Variants in FSHR observed in about 807,000 individuals in gnomAD.
The protein encoded by FSHR is follicle stimulating hormone receptor.
A neutral mutation model predicts 52.1 loss-of-function variants in FSHR; 46 were observed. The ratio of observed to expected loss-of-function variants is 0.88; its 90% CI spans 0.70 to 1.13. FSHR has a LOEUF of 1.13. FSHR is among the 50% of genes most tolerant of loss of function. The pLI is 0.00. For synonymous variants in FSHR, 399 were observed against 309.6 expected (o/e 1.29, Z -3.03); for missense variants, 964 against 834.6 (o/e 1.16, Z -1.91).
intron 1 of FSHR, among the ~76,000 whole-genome samples, chr2:49,102,223 C>T (rs1409751468): frequency 5.3e-5 from 8 of 152,082 alleles, no homozygotes; most frequent in African/African-American, 1.9e-4. Flanking sequence ...GAATAGTGAC[C>T]TGGGCATGAG....
chr2:49,154,186 C>A, intron 1 of FSHR, 80 bp downstream of exon 1: 6 of 1,438,058 alleles, frequency 4.2e-6, no homozygotes, highest in Non-Finnish European at 5.9e-6. Context: ...TAACAGATAT[C>A]AGCCTAATGT....
chr2:48,993,922 C>T (rs1300327681), intron 4 of FSHR, among the ~76,000 whole-genome samples: 1 of 152,072 alleles, frequency 6.6e-6, no homozygotes, highest in East Asian at 1.9e-4. Flanking sequence ...AAATTCTGGC[C>T]CCTGATTTAT....
chr2:49,070,809 C>T (rs917990017), intron 1 of FSHR, among the ~76,000 whole-genome samples: 10 of 152,126 alleles, frequency 6.6e-5, no homozygotes, highest in Non-Finnish European at 4.4e-5. Context: ...AATCTGAAGA[C>T]ATTTTCACGA....
At chr2:48,985,272 T>G (rs1478961202) in intron 6 of FSHR, among the ~76,000 whole-genome samples, 1 of 152,092 alleles carries the variant, frequency 6.6e-6, no homozygotes, top group East Asian at 1.9e-4. Context: ...TGAACTTTGC[T>G]CTCATCCTAA....
At chr2:48,992,680 AC>A (rs1675840471) in intron 4 of FSHR, among the ~76,000 whole-genome samples, 1 of 146,284 alleles carries the variant, frequency 6.8e-6, no homozygotes, top group Non-Finnish European at 1.5e-5. Flanking sequence ...TTTCTATTCC[AC>A]CCTCTTGCTC....
At chr2:49,135,228 A>AAT (rs140123771) in intron 1 of FSHR, among the ~76,000 whole-genome samples, 10 of 152,092 alleles carry the variant, frequency 6.6e-5, no homozygotes, top group African/African-American at 2.2e-4. Flanking sequence ...TTAAAAAAAA[A>AAT]CTTCAATATT....
At chr2:49,124,533 C>A (rs531077016) in intron 1 of FSHR, among the ~76,000 whole-genome samples, 1 of 152,230 alleles carries the variant, frequency 6.6e-6, no homozygotes, top group South Asian at 2.1e-4. Context: ...TTTTCTCAAC[C>A]TGGGAAACTG....
rs1297493099 is a variant in FSHR, at chr2:48,962,833, T to G, written c.1988A>C (p.His663Pro). ...IYRTETSSTV[H>P]NTHPRNGHCS... ...GTGGCCATTCCTTGGATGGGTGTTG[T>G]GGACAGTGGATGAAGTTTCTGTCCT... The change falls in exon 10 of 10, where the codon CAC becomes CCC. Residue 663 changes from histidine to proline, a missense_variant. Physicochemically the swap from His to Pro is moderately conservative, Grantham distance 77 (BLOSUM62 -2). Transcript: ENST00000406846. The G allele has an allele frequency of 3.1e-6, 5 of 1,614,100 alleles. No individual in the cohort carries two copies. The highest frequency in any genetic ancestry group is 4.2e-6 in the Non-Finnish European group (5 of 1,180,030).
intron 4 of FSHR, among the ~76,000 whole-genome samples, chr2:48,999,182 C>CATA (rs1676151366): frequency 6.6e-6 from 1 of 151,984 alleles, no homozygotes; most frequent in South Asian, 2.1e-4. Context: ...ATACAGGATT[C>CATA]ATAATAATAA....
chr2:49,083,158 T>C lies in FSHR; in HGVS notation c.153-14868A>G, dbSNP rs1328364549. Among the ~76,000 whole-genome samples the C allele has an allele frequency of 5.0e-3, 764 of 151,572 alleles. 7 individuals carry two copies. Among genetic ancestry groups the C allele is most frequent in the African/African-American group, 0.017 (702 of 41,348 alleles). ...TAACAGCAGATCTCTCGGCAGAAAC[T>C]CTACAAGCCAGAAGAGAGTGGGGGC... On this transcript the variant is annotated intron_variant, in intron 1 of 9. Coordinates refer to ENST00000406846, the MANE Select transcript of FSHR (RefSeq NM_000145.4).
chr2:49,029,863 C>T (rs1390870582), intron 2 of FSHR, among the ~76,000 whole-genome samples: 2 of 152,150 alleles, frequency 1.3e-5, no homozygotes, highest in East Asian at 3.8e-4. Context: ...AGGGTCCCTG[C>T]TAGCCCTGGA....
intron 6 of FSHR, among the ~76,000 whole-genome samples, chr2:48,984,545 A>G (rs1675400910): frequency 1.3e-5 from 2 of 152,112 alleles, no homozygotes; most frequent in South Asian, 4.1e-4. Context: ...AACAATTACC[A>G]CAATTTTTTA....
At chr2:49,065,161 C>T (rs1669454003) in intron 2 of FSHR, among the ~76,000 whole-genome samples, 1 of 152,002 alleles carries the variant, frequency 6.6e-6, no homozygotes, top group Non-Finnish European at 1.5e-5. Flanking sequence ...GTACACAGTG[C>T]ATATGGTGGG....
intron 9 of FSHR, among the ~76,000 whole-genome samples, chr2:48,968,370 T>A (rs1392742204): frequency 6.6e-6 from 1 of 152,224 alleles, no homozygotes; most frequent in African/African-American, 2.4e-5. Context: ...GGATTAAATC[T>A]ATAATGGTAC....
At chr2:48,969,245 C>A (rs1433595146) in intron 8 of FSHR, among the ~76,000 whole-genome samples, 1 of 152,176 alleles carries the variant, frequency 6.6e-6, no homozygotes, top group African/African-American at 2.4e-5. Flanking sequence ...GGGATTGAGA[C>A]CATTTGTCTG....
chr2:49,080,725 T>G (rs1042558914), intron 1 of FSHR, among the ~76,000 whole-genome samples: 1 of 152,234 alleles, frequency 6.6e-6, no homozygotes, highest in Admixed American at 6.5e-5. Flanking sequence ...CTGGCTTTGC[T>G]GACCCTGAAG....
At chr2:48,999,383 G>T (rs1426159948) in intron 4 of FSHR, among the ~76,000 whole-genome samples, 1 of 152,116 alleles carries the variant, frequency 6.6e-6, no homozygotes, top group Non-Finnish European at 1.5e-5. Flanking sequence ...AGCACAGCTA[G>T]AGGTTGAATT....
At chr2:48,993,959 C>A (rs1366679414) in intron 4 of FSHR, among the ~76,000 whole-genome samples, 2 of 152,128 alleles carry the variant, frequency 1.3e-5, no homozygotes, top group African/African-American at 4.8e-5. Flanking sequence ...TCTGTTTTAG[C>A]ACTCCTCAAA....
chr2:49,094,633 A>G (rs1290991157), intron 1 of FSHR, among the ~76,000 whole-genome samples: 1 of 152,154 alleles, frequency 6.6e-6, no homozygotes, highest in Non-Finnish European at 1.5e-5. Flanking sequence ...AATGGAAACA[A>G]AAACACAACA....
Sources: gnomAD v4.1 joint callset for allele counts (sites outside exome capture counted in the v4.1 genomes callset) on GRCh38, gnomAD v4.1.1 for gene constraint, MANE v1.5 for transcripts, NCBI Gene and HGNC (gene_info 2026-07-23, HGNC 2026-07-21) for gene names.